ARHGAP32: variants seen among roughly 807,000 people sequenced by gnomAD.
ARHGAP32 encodes the protein rho GTPase-activating protein 32.
ARHGAP32 carries 51 observed loss-of-function variants against 186.5 expected under a neutral mutation model. The ratio of observed to expected loss-of-function variants is 0.27; its 90% CI spans 0.22 to 0.35. The LOEUF (loss-of-function observed/expected upper bound fraction) is 0.35. ARHGAP32 is among the 10% of genes least tolerant of loss of function. The pLI is 1.00. For missense variants in ARHGAP32, 2,186 were observed against 2,623.5 expected, an observed-to-expected ratio of 0.83 and a Z score of 3.64; for synonymous variants, 950 against 964.3, an observed-to-expected ratio of 0.99 and a Z score of 0.27.
At chr11:129,159,868 C>A (rs1943492630) in intron 2 of ARHGAP32, among the ~76,000 whole-genome samples, 1 of 152,166 alleles carries the variant, frequency 6.6e-6, no homozygotes, top group Non-Finnish European at 1.5e-5. Context: ...AAAAGCTTAT[C>A]CACCACAATC....
At chr11:129,141,135 T>C (rs1943043537) in intron 2 of ARHGAP32, among the ~76,000 whole-genome samples, 2 of 152,206 alleles carry the variant, frequency 1.3e-5, no homozygotes, top group African/African-American at 2.4e-5. Flanking sequence ...AAATTGTATA[T>C]TGTCCATAAT....
At chr11:129,101,041 G>A (rs970420574) in intron 5 of ARHGAP32, among the ~76,000 whole-genome samples, 4 of 152,192 alleles carry the variant, frequency 2.6e-5, no homozygotes, top group Non-Finnish European at 4.4e-5. Context: ...CACCAACACA[G>A]TGGATTCCTA....
rs540235933 is a variant in ARHGAP32 at position 129,098,456 on chromosome 11, T to C, written c.445-4749A>G. On this transcript the variant is annotated intron_variant, in intron 5 of 22. Coordinates refer to ENST00000682385, the MANE Select transcript of ARHGAP32 (RefSeq NM_001378024.1). ...TTTTTTGAGACGGAGTCTTGCTCCATCTCCCAGGCTGGAGTGCAGTGGCGC... is the reference window on the plus strand; with the variant it reads ...TTTTTTGAGACGGAGTCTTGCTCCACCTCCCAGGCTGGAGTGCAGTGGCGC... 2.6e-5 allele frequency among the ~76,000 whole-genome samples: 4 copies of C among 151,812 alleles called. No individual in the cohort carries two copies. In the South Asian group the frequency reaches 8.4e-4, roughly 32 times the overall value.
At position 129,018,871 on chromosome 11, in the gene ARHGAP32, T is replaced by C. The variant is rs572929483; in HGVS notation, c.1046-20403A>G. On this transcript the variant is annotated intron_variant, in intron 11 of 22. Transcript: ENST00000682385. Reference sequence around the variant, plus strand: ...ATATTACAAGTATTCTATAGAAAAATATACCCTTTTGAAACTTTTCCTTTT... The same window carrying C: ...ATATTACAAGTATTCTATAGAAAAACATACCCTTTTGAAACTTTTCCTTTT... Among the ~76,000 whole-genome samples the C allele has an allele frequency of 1.5e-4, 23 of 152,218 alleles. No homozygotes were observed. The South Asian group carries it at 4.1e-3, about 27-fold the overall frequency.
intron 11 of ARHGAP32, among the ~76,000 whole-genome samples, chr11:129,018,464 T>C (rs1373095594): frequency 1.3e-5 from 2 of 152,204 alleles, no homozygotes; most frequent in Non-Finnish European, 2.9e-5. Context: ...ACTGTGTACT[T>C]AGTATTTTCA....
At chr11:129,094,087 T>C (rs1941662433) in intron 5 of ARHGAP32, among the ~76,000 whole-genome samples, 2 of 151,990 alleles carry the variant, frequency 1.3e-5, no homozygotes, top group Admixed American at 6.6e-5. Flanking sequence ...AAAATCACCA[T>C]GTAGTGGGGT....
At chr11:129,185,794 C>G (rs1395452527) in intron 1 of ARHGAP32, among the ~76,000 whole-genome samples, 3 of 151,790 alleles carry the variant, frequency 2.0e-5, no homozygotes, top group Admixed American at 2.0e-4. Context: ...AAGAGAGAAC[C>G]ATGATTTAAA....
chr11:129,142,721 A>G (rs201962569), intron 2 of ARHGAP32, among the ~76,000 whole-genome samples: 4 of 55,086 alleles, frequency 7.3e-5, no homozygotes, highest in South Asian at 1.0e-3. Context: ...TTCTTAAAGG[A>G]AAAAAAAAAA....
chr11:128,998,199 A>C (rs1158987415), intron 12 of ARHGAP32, 120 bp downstream of exon 12: 1 of 789,756 alleles, frequency 1.3e-6, no homozygotes, highest in African/African-American at 1.8e-5. Flanking sequence ...AGCTTAGTAC[A>C]TGCATTGAAC....
chr11:129,257,437 T>C (rs2135703172), intron 1 of ARHGAP32, among the ~76,000 whole-genome samples: 1 of 152,152 alleles, frequency 6.6e-6, no homozygotes, highest in African/African-American at 2.4e-5. Context: ...TATAGAGCAA[T>C]GTCAAGACTG....
rs71057924 is a variant in ARHGAP32, at chr11:129,107,868, C to CAAA, written c.445-14164_445-14162dup. Reference sequence around the variant, plus strand: ...GGGCAACAAGGGCAAAACTATGTTTCAAAAAAAAAAAAAAAAAAAAAAAGT... The same window carrying CAAA: ...GGGCAACAAGGGCAAAACTATGTTTCAAAAAAAAAAAAAAAAAAAAAAAAAAGT... On this transcript the variant is annotated intron_variant, in intron 5 of 22. Transcript: ENST00000682385. Among the ~76,000 whole-genome samples the CAAA allele has an allele frequency of 6.1e-3, 571 of 93,004 alleles. 16 individuals are homozygous for CAAA. The highest frequency in any genetic ancestry group is 0.017 in the Middle Eastern group (2 of 118). The allele number at this position is 93,004 out of a possible 152,430, so 61.0% of individuals were successfully genotyped here. A position where few individuals can be genotyped will look rare whatever the true frequency, so the allele number is the denominator to read the frequency against.
chr11:129,042,928 T>C (rs548330678), intron 10 of ARHGAP32, among the ~76,000 whole-genome samples: 4 of 152,242 alleles, frequency 2.6e-5, no homozygotes, highest in African/African-American at 7.2e-5. Context: ...GCCCTGGAAA[T>C]AGCTGCTTCA....
chr11:129,086,016 A>C (rs964821795), intron 6 of ARHGAP32, among the ~76,000 whole-genome samples: 5 of 126,632 alleles, frequency 3.9e-5, no homozygotes, highest in African/African-American at 1.5e-4. Flanking sequence ...AAACAAACAA[A>C]CAAAAAAAAA....
At position 128,970,514 on chromosome 11, in the gene ARHGAP32, T is replaced by G; in HGVS notation, c.4699A>C (p.Ser1567Arg). Residue 1567 changes from serine to arginine, a missense_variant, in exon 23 of 23, where the codon AGC becomes CGC. Transcript: ENST00000682385. The surrounding 1 kb of genome is among the most constrained non-coding windows in gnomAD (Gnocchi z 5.8). ...AAAGAAGACACATACTCGACCCGGC[T>G]GCATGGCTTGGAGTGGTGTCCAGAT... Reference protein sequence around the residue: ...NASGHHSKPCSRVEYVSSLSS... With the variant: ...NASGHHSKPCRRVEYVSSLSS... The G allele has an allele frequency of 6.2e-7, 1 of 1,614,192 alleles. No homozygotes were observed.
Position 128,974,644 on chromosome 11 carries a change from T to C in ARHGAP32, c.2553A>G (p.Glu851=), listed in dbSNP as rs1945491904. Residue 851 remains glutamate (E), a synonymous_variant, in exon 21 of 23, where the codon GAA becomes GAG. Coordinates refer to ENST00000682385, the MANE Select transcript of ARHGAP32 (RefSeq NM_001378024.1). ...GAGTCTGACATTGGCTACTACCTGT[T>C]TCTGCATCCTTTTTATTGGCACTTG... ...DKPSANKKDA[E]TGSSQCQTPG... 1 of 1,614,214 alleles carries C rather than the reference T, an allele frequency of 6.2e-7. No homozygotes were observed. Among genetic ancestry groups the C allele is most frequent in the Non-Finnish European group, 8.5e-7 (1 of 1,180,034 alleles).
At chr11:129,271,368 A>T (rs1406336691) in intron 1 of ARHGAP32, among the ~76,000 whole-genome samples, 1 of 152,128 alleles carries the variant, frequency 6.6e-6, no homozygotes, top group East Asian at 1.9e-4. Context: ...GGAGGAAAAA[A>T]AGAAATCAAG....
intron 11 of ARHGAP32, among the ~76,000 whole-genome samples, chr11:129,036,520 T>C (rs1939348219): frequency 6.6e-6 from 1 of 151,118 alleles, no homozygotes; most frequent in Admixed American, 6.6e-5. Context: ...AGATGAGACA[T>C]AATAACTAAT....
chr11:129,268,031 C>T (rs898057802), intron 1 of ARHGAP32, among the ~76,000 whole-genome samples: 24 of 152,164 alleles, frequency 1.6e-4, no homozygotes, highest in African/African-American at 5.8e-4. Context: ...TATTAGGCCC[C>T]AACTTCAATG....
chr11:128,981,615 C>T, intron 16 of ARHGAP32, 54 bp from the exon 17 acceptor site: 1 of 1,543,070 alleles, frequency 6.5e-7, no homozygotes, highest in South Asian at 1.2e-5. Context: ...TCGTCAAGGG[C>T]CTCTTTTTTT....
Sources: gnomAD v4.1 joint callset for allele counts (sites outside exome capture counted in the v4.1 genomes callset) on GRCh38, gnomAD v4.1.1 for gene constraint, Gnocchi (gnomAD v3.1) non-coding constraint, MANE v1.5 for transcripts, NCBI Gene and HGNC (gene_info 2026-07-23, HGNC 2026-07-21) for gene names.